Variants in SLC71A2 observed in about 807,000 individuals in gnomAD.
SLC71A2 encodes solute carrier family 71 member 2.
At chr9:94,418,757 C>CTTT in the SLC71A2 span, among the ~76,000 whole-genome samples, 3 of 131,202 alleles carry the variant, frequency 2.3e-5, no homozygotes, top group African/African-American at 2.7e-5. Context: ...TCCTTTAATT[C>CTTT]TTTTTTTTTT....
chr9:94,386,267 C>CTT, the SLC71A2 span, among the ~76,000 whole-genome samples: 1 of 138,648 alleles, frequency 7.2e-6, no homozygotes, highest in Non-Finnish European at 1.6e-5. Flanking sequence ...TAGAACATAT[C>CTT]GTGTTTGTAT....
At chr9:94,420,474 G>C in the SLC71A2 span, among the ~76,000 whole-genome samples, 2 of 152,050 alleles carry the variant, frequency 1.3e-5, no homozygotes, top group African/African-American at 4.8e-5. Context: ...TTGAATTCCA[G>C]AGCACTGAAA....
chr9:94,389,808 A>G, the SLC71A2 span, among the ~76,000 whole-genome samples: 14 of 149,342 alleles, frequency 9.4e-5, no homozygotes, highest in African/African-American at 3.0e-4. Context: ...GGGTCTCACT[A>G]TGTTGCCCAG....
chr9:94,377,816 G>A, the SLC71A2 span, among the ~76,000 whole-genome samples: 1 of 151,968 alleles, frequency 6.6e-6, no homozygotes, highest in Non-Finnish European at 1.5e-5. Flanking sequence ...CTAGAAAAGG[G>A]AGGTGTGTCG....
At chr9:94,452,045 C>T in the SLC71A2 span, among the ~76,000 whole-genome samples, 1 of 152,178 alleles carries the variant, frequency 6.6e-6, no homozygotes. Flanking sequence ...TTTAGGAGAA[C>T]TTTGATACAA....
At chr9:94,459,257 A>G in the SLC71A2 span, 20 of 1,614,038 alleles carry the variant, frequency 1.2e-5, no homozygotes, top group African/African-American at 2.5e-4. Context: ...CAGTAAAGCC[A>G]GTGGAGTTCA....
chr9:94,386,673 G>C, the SLC71A2 span, among the ~76,000 whole-genome samples: 3 of 151,882 alleles, frequency 2.0e-5, no homozygotes, highest in Non-Finnish European at 4.4e-5. Flanking sequence ...TTGTCCTCCA[G>C]GCTTTGTCTG....
At chr9:94,401,234 G>A in the SLC71A2 span, among the ~76,000 whole-genome samples, 7 of 152,008 alleles carry the variant, frequency 4.6e-5, no homozygotes, top group Non-Finnish European at 8.8e-5. Flanking sequence ...GCAGTGGCGC[G>A]ATCTTGGCTC....
At chr9:94,453,336 G>A in the SLC71A2 span, among the ~76,000 whole-genome samples, 689 of 151,968 alleles carry the variant, frequency 4.5e-3, 4 homozygotes, top group Non-Finnish European at 6.5e-3. Flanking sequence ...TTTTAGTAGC[G>A]ACAGGGTTTC....
the SLC71A2 span, among the ~76,000 whole-genome samples, chr9:94,421,164 A>G: frequency 1.3e-3 from 190 of 148,722 alleles, no homozygotes; most frequent in Middle Eastern, 6.8e-3. Context: ...ATATGATTCT[A>G]TAGAATGATA....
At chr9:94,423,489 C>T in the SLC71A2 span, among the ~76,000 whole-genome samples, 3 of 152,202 alleles carry the variant, frequency 2.0e-5, no homozygotes, top group East Asian at 5.8e-4. Context: ...CTAGTGGTCA[C>T]CCACCACTAT....
the SLC71A2 span, among the ~76,000 whole-genome samples, chr9:94,437,024 AGAG>A: frequency 6.6e-6 from 1 of 150,930 alleles, no homozygotes; most frequent in Non-Finnish European, 1.5e-5. Context: ...GAGACTAGAT[AGAG>A]GAGGAGGTGC....
the SLC71A2 span, among the ~76,000 whole-genome samples, chr9:94,425,440 G>T: frequency 6.6e-6 from 1 of 152,324 alleles, no homozygotes; most frequent in South Asian, 2.1e-4. Context: ...CATAAAAAAG[G>T]CTTAGACTAA....
At chr9:94,425,398 T>C in the SLC71A2 span, among the ~76,000 whole-genome samples, 2 of 152,214 alleles carry the variant, frequency 1.3e-5, no homozygotes, top group Admixed American at 1.3e-4. Flanking sequence ...ATTTTGTGGC[T>C]ATTGAAGAGC....
chr9:94,410,651 A>G, the SLC71A2 span, among the ~76,000 whole-genome samples: 9 of 152,256 alleles, frequency 5.9e-5, no homozygotes, highest in Admixed American at 2.6e-4. Context: ...CAGGCAGTTC[A>G]CAGAAAAAGA....
chr9:94,445,268 C>T, the SLC71A2 span: 2 of 1,082,410 alleles, frequency 1.8e-6, no homozygotes, highest in East Asian at 2.6e-5. Context: ...CCTCAAGGAT[C>T]CTAGCAGTTG....
At chr9:94,429,040 A>T in the SLC71A2 span, 1 of 1,158,140 alleles carries the variant, frequency 8.6e-7, no homozygotes, top group Non-Finnish European at 1.2e-6. Flanking sequence ...GATGTACCAC[A>T]GTTTGTTTGT....
the SLC71A2 span, among the ~76,000 whole-genome samples, chr9:94,382,018 C>T: frequency 1.3e-5 from 2 of 151,878 alleles, no homozygotes; most frequent in African/African-American, 2.4e-5. Context: ...CAGTATCTTT[C>T]CATAAGTTTT....
the SLC71A2 span, chr9:94,451,455 G>A: frequency 6.6e-7 from 1 of 1,517,954 alleles, no homozygotes; most frequent in African/African-American, 1.4e-5. Flanking sequence ...CATTTCCATA[G>A]GTCATAGGTT....
Sources: allele counts gnomAD v4.1 joint callset (sites outside exome capture counted in the v4.1 genomes callset), GRCh38; gene constraint gnomAD v4.1.1; transcripts MANE v1.5; gene names NCBI Gene and HGNC (gene_info 2026-07-23, HGNC 2026-07-21).